PCDHA1: variants seen among roughly 807,000 people sequenced by gnomAD.
PCDHA1 encodes the protein protocadherin alpha-1.
In PCDHA1, 42 loss-of-function variants were observed where a neutral mutation model predicts 61.3. That is an observed-to-expected ratio of 0.69 (90% CI 0.54 to 0.89). The LOEUF (loss-of-function observed/expected upper bound fraction) is 0.89, where lower values mean the gene tolerates loss of function less well. Among genes scored for constraint, PCDHA1 ranks in the 40% least tolerant of loss-of-function variants. PCDHA1 has a pLI of 0.00. For synonymous variants in PCDHA1, 610 were observed against 553.8 expected (o/e 1.10, Z -1.43); for missense variants, 1,256 against 1,235.3 (o/e 1.02, Z -0.25).
intron 1 of PCDHA1, among the ~76,000 whole-genome samples, chr5:140,906,628 G>A (rs976764797): frequency 2.0e-5 from 3 of 152,180 alleles, no homozygotes; most frequent in African/African-American, 7.2e-5. Context: ...CCTTCAGCAA[G>A]CACCTCAGCA....
intron 1 of PCDHA1, chr5:140,847,497 A>G (rs1331989915): frequency 3.3e-5 from 5 of 149,972 alleles, no homozygotes; most frequent in African/African-American, 1.2e-4. Context: ...AAAACTCACA[A>G]CAAAACTTTG....
At chr5:140,953,911 AG>A (rs1554221121) in intron 1 of PCDHA1, among the ~76,000 whole-genome samples, 1 of 152,120 alleles carries the variant, frequency 6.6e-6, no homozygotes, top group South Asian at 2.1e-4. Flanking sequence ...AGCATCCATT[AG>A]GTATTCTTCC....
intron 1 of PCDHA1, chr5:140,850,511 CG>C (rs1562470746): frequency 6.3e-7 from 1 of 1,598,154 alleles, no homozygotes; most frequent in Non-Finnish European, 8.6e-7. Flanking sequence ...TGGTGGAGAG[CG>C]GCCAGGCGCC....
chr5:140,876,814 G>C (rs571648883), intron 1 of PCDHA1: 4 of 1,614,226 alleles, frequency 2.5e-6, no homozygotes, highest in Non-Finnish European at 2.5e-6. Flanking sequence ...GGTGGCCGAC[G>C]TGAACGACAA....
intron 1 of PCDHA1, among the ~76,000 whole-genome samples, chr5:140,855,454 C>T (rs2043476507): frequency 6.7e-6 from 1 of 149,874 alleles, no homozygotes; most frequent in Non-Finnish European, 1.5e-5. Flanking sequence ...GAGTTATAAA[C>T]ACCTCACAGA....
intron 3 of PCDHA1, among the ~76,000 whole-genome samples, chr5:140,990,831 A>G (rs1004872074): frequency 6.6e-6 from 1 of 152,192 alleles, no homozygotes; most frequent in Non-Finnish European, 1.5e-5. Context: ...GCTAAAGCCT[A>G]TTAGCAAAAA....
intron 1 of PCDHA1, chr5:140,823,700 C>A: frequency 2.5e-6 from 4 of 1,613,940 alleles, no homozygotes; most frequent in South Asian, 2.2e-5. Context: ...ACCGAAGCAC[C>A]GCGCCACCGC....
intron 1 of PCDHA1, chr5:140,823,047 G>A: frequency 4.3e-6 from 7 of 1,614,198 alleles, no homozygotes; most frequent in South Asian, 2.2e-5. Flanking sequence ...AGCTGGTGGT[G>A]ACCGCGCGGG....
At chr5:140,803,113 A>G in intron 1 of PCDHA1, 1 of 1,613,838 alleles carries the variant, frequency 6.2e-7, no homozygotes, top group Non-Finnish European at 8.5e-7. Flanking sequence ...GCCCTGGACG[A>G]GGTGGACGCC....
chr5:140,857,826 T>G, intron 1 of PCDHA1: 1 of 1,597,464 alleles, frequency 6.3e-7, no homozygotes, highest in Non-Finnish European at 8.6e-7. Context: ...GTGGCTAAGG[T>G]GCGCGCAGTG....
intron 1 of PCDHA1, among the ~76,000 whole-genome samples, chr5:140,916,847 C>T (rs1276107761): frequency 1.3e-5 from 2 of 152,116 alleles, no homozygotes; most frequent in Non-Finnish European, 2.9e-5. Flanking sequence ...GAGCCCAGCC[C>T]AGCACTAGGA....
At chr5:140,795,675 C>G in intron 1 of PCDHA1, 1 of 1,614,078 alleles carries the variant, frequency 6.2e-7, no homozygotes, top group Non-Finnish European at 8.5e-7. Context: ...ATGTAAATGA[C>G]AATGAACCAA....
At chr5:140,818,623 G>A (rs970158676) in intron 1 of PCDHA1, among the ~76,000 whole-genome samples, 4 of 152,122 alleles carry the variant, frequency 2.6e-5, no homozygotes, top group Non-Finnish European at 5.9e-5. Context: ...GATTGCTTGA[G>A]CCCAGGAGTT....
Position 140,986,801 on chromosome 5 carries a change from T to C in PCDHA1, c.2542+4238T>C, listed in dbSNP as rs1381514203. ...CGGAAGCCACTAAGGCAGTGAGTCT[T>C]AGTTAGAGAACTTTGGTTTAGACAA... On this transcript the variant is annotated intron_variant, in intron 3 of 3. Coordinates refer to ENST00000504120, the MANE Select transcript of PCDHA1 (RefSeq NM_018900.4). 2.0e-5 allele frequency among the ~76,000 whole-genome samples: 3 copies of C among 152,144 alleles called. No homozygotes were observed. The East Asian group carries it at 5.8e-4, about 29-fold the overall frequency.
chr5:140,871,211 T>A (rs781784103), intron 1 of PCDHA1: 1 of 1,613,724 alleles, frequency 6.2e-7, no homozygotes, highest in Non-Finnish European at 8.5e-7. Flanking sequence ...ATCATCGCCA[T>A]CTGCGTGGTG....
intron 3 of PCDHA1, among the ~76,000 whole-genome samples, chr5:140,994,021 G>A (rs1160447092): frequency 6.6e-6 from 1 of 152,140 alleles, no homozygotes; most frequent in Non-Finnish European, 1.5e-5. Context: ...AGGTGATGCA[G>A]ATATAATATT....
chr5:140,829,165 T>G lies in PCDHA1; in HGVS notation c.2394+40481T>G, dbSNP rs141910594. The G allele has an allele frequency of 2.8e-4, 449 of 1,614,128 alleles. 1 individual carries two copies. The highest frequency in any genetic ancestry group is 5.0e-4 in the Admixed American group (30 of 60,032). ...TAGCACTGACTTCCTTATCCTTGCC[T>G]GTACGTGAAGACGCTCAATTTGGTA... On this transcript the variant is annotated intron_variant, in intron 1 of 3. Transcript: ENST00000504120.
Position 140,823,435 on chromosome 5 carries a change from G to A in PCDHA1, c.2394+34751G>A, listed in dbSNP as rs2150125810. On this transcript the variant is annotated intron_variant, in intron 1 of 3. Coordinates refer to ENST00000504120, the MANE Select transcript of PCDHA1 (RefSeq NM_018900.4). ...CAGCAACGTGACGCTGCAGGTGTTC[G>A]TGCTGGACGAGAACGACAACGCGCC... 6 of 1,613,288 alleles carry A rather than the reference G, an allele frequency of 3.7e-6. No homozygotes were observed. In the East Asian group the frequency reaches 6.7e-5, roughly 18 times the overall value.
chr5:140,852,884 T>TA lies in PCDHA1; in HGVS notation c.2394+64201dup, dbSNP rs1237249071. On this transcript the variant is annotated intron_variant, in intron 1 of 3. Transcript: ENST00000504120. ...CTATGTCATCAATAATCATAAAACG[T>TA]ATTTTTTTTTTTGAGTCAGAGTCTC... The TA allele has an allele frequency of 2.1e-6, 2 of 931,694 alleles. 1 individual carries two copies. The highest frequency in any genetic ancestry group is 3.6e-5 in the African/African-American group (2 of 55,516). The allele number at this position is 931,694 out of a possible 1,614,324, so 57.7% of individuals were successfully genotyped here.
Sources: allele counts gnomAD v4.1 joint callset (sites outside exome capture counted in the v4.1 genomes callset), GRCh38; gene constraint gnomAD v4.1.1; transcripts MANE v1.5; gene names NCBI Gene and HGNC (gene_info 2026-07-23, HGNC 2026-07-21).